The following BLK variants were observed in gnomAD, a reference collection of about 807,000 sequenced individuals.
The protein encoded by BLK is tyrosine-protein kinase Blk.
BLK carries 64 observed loss-of-function variants against 61.8 expected under a neutral mutation model. The ratio of observed to expected loss-of-function variants is 1.03; its 90% CI spans 0.85 to 1.27. BLK has a LOEUF of 1.27. Among genes scored for constraint, BLK ranks in the 50% most tolerant of loss-of-function variants. BLK has a pLI of 0.00. For synonymous variants in BLK, 351 were observed against 272.0 expected (o/e 1.29, Z -2.86); for missense variants, 853 against 660.5 (o/e 1.29, Z -3.19).
At chr8:11,556,030 C>G (rs1354159006) in intron 8 of BLK, 1 of 248,722 alleles carries the variant, frequency 4.0e-6, no homozygotes, top group African/African-American at 2.2e-5. Context: ...CATGAGTCCT[C>G]CCTTACCTGG....
chr8:11,539,779 G>T (rs912682280), intron 1 of BLK, among the ~76,000 whole-genome samples: 4 of 152,284 alleles, frequency 2.6e-5, no homozygotes, highest in African/African-American at 9.6e-5. Context: ...CCTAGAAATG[G>T]AGCGTGAAGG....
intron 1 of BLK, among the ~76,000 whole-genome samples, chr8:11,522,744 A>C (rs1346114075): frequency 2.0e-5 from 3 of 152,190 alleles, no homozygotes; most frequent in Non-Finnish European, 4.4e-5. Flanking sequence ...TATTTCTGAA[A>C]AAAAAAGCAA....
chr8:11,535,633 G>C (rs1228536276), intron 1 of BLK, among the ~76,000 whole-genome samples: 1 of 152,206 alleles, frequency 6.6e-6, no homozygotes, highest in East Asian at 1.9e-4. Context: ...AACCACTAAT[G>C]GGACTTTTAA....
At position 11,564,340 on chromosome 8, in the gene BLK, A is replaced by T. The variant is rs1389497264; in HGVS notation, c.*232A>T. ...GCCGCTTCATTTGTAGAGGGCTGTA[A>T]CAGTGACCTCGCACGGTCATCCGGA... On this transcript the variant is annotated 3_prime_UTR_variant, in exon 13 of 13. Coordinates refer to ENST00000259089, the MANE Select transcript of BLK (RefSeq NM_001715.3). 7.1e-6 allele frequency: 5 copies of T among 701,424 alleles called. No homozygotes were observed. The highest frequency in any genetic ancestry group is 3.5e-5 in the African/African-American group (2 of 57,238). 43.5% of individuals were successfully genotyped at this position (701,424 alleles called of 1,614,324 possible).
At chr8:11,502,539 C>T (rs936055743) in intron 1 of BLK, among the ~76,000 whole-genome samples, 7 of 152,176 alleles carry the variant, frequency 4.6e-5, no homozygotes, top group East Asian at 1.9e-4. Context: ...CTGCCCAGTT[C>T]GGCCTCCCAA....
chr8:11,518,910 A>G (rs1324801034), intron 1 of BLK, among the ~76,000 whole-genome samples: 1 of 152,018 alleles, frequency 6.6e-6, no homozygotes, highest in Non-Finnish European at 1.5e-5. Flanking sequence ...TCTCCTTGCC[A>G]CTGAAGACTC....
chr8:11,526,635 C>T (rs747027420), intron 1 of BLK, among the ~76,000 whole-genome samples: 12 of 152,290 alleles, frequency 7.9e-5, no homozygotes, highest in East Asian at 1.9e-4. Context: ...AGGAGGATCA[C>T]GTGAACCTGG....
chr8:11,509,916 TTTTC>T (rs1306591968), intron 1 of BLK: 3 of 152,186 alleles, frequency 2.0e-5, no homozygotes, highest in Admixed American at 6.5e-5. Context: ...TCTCTTTTCT[TTTTC>T]TTTCTTTTTA....
chr8:11,497,178 A>G (rs1261483414), intron 1 of BLK, among the ~76,000 whole-genome samples: 3 of 152,196 alleles, frequency 2.0e-5, no homozygotes, highest in African/African-American at 4.8e-5. Context: ...GGAAATCTCA[A>G]CATACTGAGA....
At chr8:11,498,243 G>C (rs1217440776) in intron 1 of BLK, among the ~76,000 whole-genome samples, 2 of 152,304 alleles carry the variant, frequency 1.3e-5, no homozygotes, top group South Asian at 4.1e-4. Context: ...TGCAGGAAAA[G>C]TTTGTGTATG....
chr8:11,553,064 A>C (rs1800992200), intron 6 of BLK: 1 of 171,100 alleles, frequency 5.8e-6, no homozygotes, highest in Non-Finnish European at 1.3e-5. Flanking sequence ...GCACAGATGC[A>C]ATGAACACGT....
intron 1 of BLK, among the ~76,000 whole-genome samples, chr8:11,514,286 C>A (rs567396792): frequency 1.3e-5 from 2 of 152,342 alleles, no homozygotes; most frequent in South Asian, 4.2e-4. Context: ...CAGGGTACTC[C>A]TGTCCACTGT....
At position 11,543,207 on chromosome 8, in the gene BLK, C is replaced by T. The variant is rs1310661812; in HGVS notation, c.-1-17C>T. On this transcript the variant is annotated splice_polypyrimidine_tract_variant and intron_variant, in intron 1 of 12. Transcript: ENST00000259089. ...CCCGCTCTCTCATGTCCTCTGTCTG[C>T]TGTGTGTCTCCGACAGGATGGGGCT... is the stretch of plus-strand genomic sequence containing the variant. 1.1e-5 allele frequency: 18 copies of T among 1,613,642 alleles called. No homozygotes were observed. Among genetic ancestry groups the T allele is most frequent in the Non-Finnish European group, 1.4e-5 (17 of 1,179,906 alleles).
At chr8:11,498,383 C>A (rs537481743) in intron 1 of BLK, among the ~76,000 whole-genome samples, 1 of 152,208 alleles carries the variant, frequency 6.6e-6, no homozygotes, top group Non-Finnish European at 1.5e-5. Context: ...GCTCCGTGAA[C>A]TTGTAAACAA....
chr8:11,509,486 A>T (rs1227619188), intron 1 of BLK: 1 of 152,182 alleles, frequency 6.6e-6, no homozygotes, highest in African/African-American at 2.4e-5. Flanking sequence ...CTTGAACTGC[A>T]CGGGGGCTGA....
intron 1 of BLK, among the ~76,000 whole-genome samples, chr8:11,508,291 G>A (rs960607758): frequency 6.6e-6 from 1 of 152,180 alleles, no homozygotes; most frequent in South Asian, 2.1e-4. Context: ...CACATGCACA[G>A]CTACTGGGGG....
chr8:11,543,410 A>G (rs1207627062), intron 2 of BLK, 63 bp downstream of exon 2: 34 of 1,598,718 alleles, frequency 2.1e-5, no homozygotes, highest in African/African-American at 4.0e-5. Flanking sequence ...TTAATGTCCA[A>G]GTTTGTAAAA....
At chr8:11,544,688 T>G (rs1208657763) in intron 2 of BLK, among the ~76,000 whole-genome samples, 3 of 152,212 alleles carry the variant, frequency 2.0e-5, no homozygotes, top group Non-Finnish European at 4.4e-5. Context: ...TATTCCACTA[T>G]GTAGAGTCAC....
intron 1 of BLK, among the ~76,000 whole-genome samples, chr8:11,514,490 G>C (rs1799146891): frequency 1.3e-5 from 2 of 152,356 alleles, no homozygotes; most frequent in Non-Finnish European, 1.5e-5. Flanking sequence ...AGAGCACAGT[G>C]GAGGACCCTT....
Sources: gnomAD v4.1 joint callset for allele counts (sites outside exome capture counted in the v4.1 genomes callset) on GRCh38, gnomAD v4.1.1 for gene constraint, MANE v1.5 for transcripts, NCBI Gene and HGNC (gene_info 2026-07-23, HGNC 2026-07-21) for gene names.